Variants in PSD3 observed in about 807,000 individuals in gnomAD.
PSD3 encodes PH and SEC7 domain-containing protein 3.
A neutral mutation model predicts 105.5 loss-of-function variants in PSD3; 49 were observed. The observed-to-expected ratio is 0.46, with a 90% CI of 0.37 to 0.59. The LOEUF is 0.59. PSD3 is among the 20% of genes least tolerant of loss of function. The probability of loss-of-function intolerance (pLI) is 0.00; values close to 1 mark genes in which losing one functional copy is unlikely to be tolerated. For synonymous variants in PSD3, 557 were observed against 457.8 expected (o/e 1.22, Z -2.77); for missense variants, 1,561 against 1,263.8 (o/e 1.24, Z -3.57).
intron 1 of PSD3, among the ~76,000 whole-genome samples, chr8:19,083,099 T>G (rs965143664): frequency 2.6e-5 from 4 of 152,114 alleles, no homozygotes; most frequent in African/African-American, 9.7e-5. Flanking sequence ...CTTCTGTGAC[T>G]TCCCTGAGAT....
At chr8:18,555,914 G>C (rs1436803190) in intron 15 of PSD3, among the ~76,000 whole-genome samples, 1 of 152,280 alleles carries the variant, frequency 6.6e-6, no homozygotes, top group Admixed American at 6.5e-5. Context: ...GTCCACCCTG[G>C]TGTGTCCCTC....
intron 10 of PSD3, among the ~76,000 whole-genome samples, chr8:18,649,674 C>G (rs759779821): frequency 3.3e-5 from 5 of 152,164 alleles, no homozygotes; most frequent in Non-Finnish European, 7.4e-5. Context: ...TGGTTTGGAT[C>G]TGTGCTCCCA....
At chr8:18,736,332 CA>C (rs1369739131) in intron 9 of PSD3, among the ~76,000 whole-genome samples, 2 of 152,086 alleles carry the variant, frequency 1.3e-5, no homozygotes, top group Non-Finnish European at 2.9e-5. Context: ...TACCTACCCT[CA>C]AGGGTTACTG....
At chr8:18,546,075 A>G (rs2130027782) in intron 15 of PSD3, among the ~76,000 whole-genome samples, 1 of 152,260 alleles carries the variant, frequency 6.6e-6, no homozygotes, top group African/African-American at 2.4e-5. Context: ...ATCTTGGCTC[A>G]CTGCAACCTC....
chr8:18,749,556 C>T (rs890912543), intron 9 of PSD3, among the ~76,000 whole-genome samples: 1 of 150,344 alleles, frequency 6.7e-6, no homozygotes, highest in Non-Finnish European at 1.5e-5. Context: ...ACTAAGGTTA[C>T]TCATCAACTA....
chr8:18,592,976 G>C (rs939790630), intron 12 of PSD3, among the ~76,000 whole-genome samples: 6 of 152,148 alleles, frequency 3.9e-5, no homozygotes, highest in Non-Finnish European at 5.9e-5. Flanking sequence ...ATTAATTCAA[G>C]ATGGATTAAA....
chr8:18,575,163 T>G lies in PSD3; in HGVS notation c.2604A>C (p.Lys868Asn), dbSNP rs763833898. The G allele has an allele frequency of 1.2e-6, 2 of 1,613,690 alleles. No individual in the cohort carries two copies. The highest frequency in any genetic ancestry group is 1.7e-6 in the Non-Finnish European group (2 of 1,179,800). ...YEKKPNVFKL[K>N]TADWRVLLFQ... ...AAAGCAAGACCCTCCAGTCGGCAGTTTTAAGTTTAAACACGTTTGGTTTCT... is the reference window on the plus strand; with the variant it reads ...AAAGCAAGACCCTCCAGTCGGCAGTGTTAAGTTTAAACACGTTTGGTTTCT... The change falls in exon 13 of 16, where the codon AAA (lysine) becomes AAC (asparagine). Residue 868 changes from lysine to asparagine, a missense_variant. By Grantham distance (94) the Lys-to-Asn change is moderately conservative (BLOSUM62 0). Coordinates refer to ENST00000327040, the MANE Select transcript of PSD3 (RefSeq NM_015310.4).
intron 9 of PSD3, among the ~76,000 whole-genome samples, chr8:18,684,498 T>C (rs1180120771): frequency 3.9e-5 from 6 of 152,162 alleles, no homozygotes; most frequent in Non-Finnish European, 8.8e-5. Context: ...CTCAATTAAT[T>C]ACAGGCTAGT....
rs547576478 is a variant in PSD3 at position 18,869,438 on chromosome 8, C to T, written c.1239-1369G>A. The stretch of plus-strand genomic sequence containing the variant: ...GGGTGATCTGCCTGCCTCGGCCTCC[C>T]AAAGTGCTGGGATTACAGGTGTGAG... On this transcript the variant is annotated intron_variant, in intron 3 of 15. Transcript: ENST00000327040. Among the ~76,000 whole-genome samples the T allele has an allele frequency of 2.2e-4, 33 of 152,224 alleles. No homozygotes were observed. In the East Asian group the frequency reaches 3.5e-3, roughly 16 times the overall value.
chr8:18,543,510 C>T (rs868225761), intron 15 of PSD3, among the ~76,000 whole-genome samples: 8 of 151,426 alleles, frequency 5.3e-5, no homozygotes, highest in Non-Finnish European at 1.2e-4. Context: ...CCCAGCTACT[C>T]GGGAGGCTGA....
chr8:18,849,749 T>C (rs2129452177), intron 4 of PSD3: 1 of 152,334 alleles, frequency 6.6e-6, no homozygotes. Context: ...ACCTTGTCTT[T>C]TGAAACTATG....
At chr8:18,855,043 T>C (rs532509173) in intron 4 of PSD3, among the ~76,000 whole-genome samples, 6 of 152,282 alleles carry the variant, frequency 3.9e-5, no homozygotes, top group African/African-American at 1.4e-4. Flanking sequence ...ACCTAACCAA[T>C]GGATGCCAGA....
intron 1 of PSD3, among the ~76,000 whole-genome samples, chr8:18,998,206 G>A (rs1826183261): frequency 1.3e-5 from 2 of 152,066 alleles, no homozygotes; most frequent in South Asian, 4.2e-4. Flanking sequence ...AAGTCACTTG[G>A]TATGCACATA....
At chr8:19,043,581 C>T (rs1828206066) in intron 1 of PSD3, among the ~76,000 whole-genome samples, 2 of 152,070 alleles carry the variant, frequency 1.3e-5, no homozygotes, top group African/African-American at 4.8e-5. Flanking sequence ...AGCGTTTGTC[C>T]CATCCAAAAC....
At chr8:18,872,830 C>T in intron 2 of PSD3, 97 bp from the exon 3 acceptor site, 1 of 1,189,398 alleles carries the variant, frequency 8.4e-7, no homozygotes, top group Non-Finnish European at 1.2e-6. Flanking sequence ...CTCAATAATA[C>T]TTATTAACTT....
At chr8:18,687,485 GTT>G (rs147651057) in intron 9 of PSD3, among the ~76,000 whole-genome samples, 7,899 of 145,956 alleles carry the variant, frequency 0.054, 698 homozygotes, top group African/African-American at 0.18. Flanking sequence ...AAATTTAGCA[GTT>G]TTTTTTTTTT....
At chr8:19,019,082 A>T (rs73594648) in intron 1 of PSD3, among the ~76,000 whole-genome samples, 17,538 of 152,238 alleles carry the variant, frequency 0.12, 1,253 homozygotes, top group African/African-American at 0.2. Flanking sequence ...AGCGTGAGCC[A>T]CTGCGCCCAG....
chr8:18,544,565 A>C (rs1350238962), intron 15 of PSD3, among the ~76,000 whole-genome samples: 1 of 152,128 alleles, frequency 6.6e-6, no homozygotes, highest in Non-Finnish European at 1.5e-5. Flanking sequence ...AAATCCAAAG[A>C]AAGTGTGAAT....
intron 1 of PSD3, among the ~76,000 whole-genome samples, chr8:18,939,287 T>G (rs1408488550): frequency 6.6e-6 from 1 of 152,186 alleles, no homozygotes; most frequent in Non-Finnish European, 1.5e-5. Flanking sequence ...ACATATTTAT[T>G]TGCATTTACC....
Sources: allele counts gnomAD v4.1 joint callset (sites outside exome capture counted in the v4.1 genomes callset), GRCh38; gene constraint gnomAD v4.1.1; transcripts MANE v1.5; gene names NCBI Gene and HGNC (gene_info 2026-07-23, HGNC 2026-07-21).